Variants in VIPR2 observed in about 807,000 individuals in gnomAD.
VIPR2 encodes vasoactive intestinal polypeptide receptor 2.
VIPR2 carries 48 observed loss-of-function variants against 58.0 expected under a neutral mutation model. The observed-to-expected ratio is 0.83, with a 90% CI of 0.66 to 1.05. VIPR2 has a LOEUF of 1.05. Ranked by LOEUF, VIPR2 falls within the 50% of genes least tolerant of loss-of-function variation. VIPR2 has a pLI of 0.00. For synonymous variants in VIPR2, 243 were observed against 235.2 expected (o/e 1.03, Z -0.30); for missense variants, 534 against 558.0 (o/e 0.96, Z 0.43).
chr7:159,034,127 CT>C (rs1440558489), intron 10 of VIPR2, 85 bp downstream of exon 10: 1 of 1,413,792 alleles, frequency 7.1e-7, no homozygotes, highest in Non-Finnish European at 9.9e-7. Context: ...GTCGCCGCAC[CT>C]CCAGGGCCTT....
rs185492813 is a variant in VIPR2, at chr7:159,054,538, A to C, written c.455+3943T>G. Among the ~76,000 whole-genome samples, 5 of 152,370 alleles carry C rather than the reference A, an allele frequency of 3.3e-5. No homozygotes were observed. The East Asian group carries it at 9.6e-4, about 29-fold the overall frequency. ...TCATTTTGAAATGGCACTTCAAAAA[A>C]AGCAAGATTTTAAAATGTATGAACT... On this transcript the variant is annotated intron_variant, in intron 5 of 12. Transcript: ENST00000262178.
At chr7:159,085,206 C>G (rs964523865) in intron 4 of VIPR2, among the ~76,000 whole-genome samples, 1 of 152,206 alleles carries the variant, frequency 6.6e-6, no homozygotes, top group Non-Finnish European at 1.5e-5. Context: ...ATTTACAAAA[C>G]GAATTCATGC....
intron 2 of VIPR2, among the ~76,000 whole-genome samples, chr7:159,110,151 T>C (rs1207428519): frequency 6.6e-6 from 1 of 152,238 alleles, no homozygotes; most frequent in East Asian, 1.9e-4. Flanking sequence ...ATGTACCTTC[T>C]GAATTTTAAG....
rs7792767 is a variant in VIPR2, at chr7:159,043,089, G to A, written c.543C>T (p.Asp181=). 12,179 of 1,614,072 alleles carry A rather than the reference G, an allele frequency of 7.5e-3. 789 individuals carry two copies. In the African/African-American group the frequency reaches 0.14, roughly 19 times the overall value. Residue 181 remains aspartate (D), a synonymous_variant, in exon 6 of 13, where the codon GAC becomes GAT. Transcript: ENST00000262178. ...LRAISVLVKD[D]VLYSSSGTLH... Reference sequence around the variant, plus strand: ...ACGTGCCAGAGCTGGAGTAGAGAACGTCGTCCTTGACCAGCACTGAGATGG... The same window carrying A: ...ACGTGCCAGAGCTGGAGTAGAGAACATCGTCCTTGACCAGCACTGAGATGG...
At chr7:159,134,797 A>C (rs1392907908) in intron 2 of VIPR2, among the ~76,000 whole-genome samples, 1 of 151,716 alleles carries the variant, frequency 6.6e-6, no homozygotes, top group Non-Finnish European at 1.5e-5. Context: ...AGCTGGGACT[A>C]GAGGCGCCCG....
chr7:159,070,749 T>G (rs745825758), intron 4 of VIPR2, among the ~76,000 whole-genome samples: 1 of 152,254 alleles, frequency 6.6e-6, no homozygotes, highest in Admixed American at 6.5e-5. Context: ...AAGGGCTACA[T>G]TGCAAATTAT....
intron 2 of VIPR2, among the ~76,000 whole-genome samples, chr7:159,118,462 ACAGCGTGCTCAGCATCC>A (rs1392870993): frequency 6.6e-6 from 1 of 152,204 alleles, no homozygotes; most frequent in African/African-American, 2.4e-5. Context: ...AGGCGGGAGA[ACAGCGTGCTCAGCATCC>A]CACCTCCCCT....
chr7:159,050,356 AAAAAAAAAAC>A (rs1854919344), intron 5 of VIPR2, among the ~76,000 whole-genome samples: 2 of 10,280 alleles, frequency 1.9e-4, no homozygotes, highest in Non-Finnish European at 6.7e-4. Flanking sequence ...CAAAAAAACA[AAAAAAAAAAC>A]AAAAAAAAAC....
intron 4 of VIPR2, among the ~76,000 whole-genome samples, chr7:159,088,276 C>T (rs563077637): frequency 3.9e-4 from 60 of 152,324 alleles, no homozygotes; most frequent in African/African-American, 1.3e-3. Context: ...CACGCACCTG[C>T]GACAGTACAC....
intron 4 of VIPR2, among the ~76,000 whole-genome samples, chr7:159,086,968 A>G (rs1404665114): frequency 6.6e-6 from 1 of 152,236 alleles, no homozygotes; most frequent in Non-Finnish European, 1.5e-5. Flanking sequence ...ACATGTCCTC[A>G]CGTGAAGAAA....
At chr7:159,057,863 G>A (rs1855412805) in intron 5 of VIPR2, among the ~76,000 whole-genome samples, 1 of 152,202 alleles carries the variant, frequency 6.6e-6, no homozygotes, top group Non-Finnish European at 1.5e-5. Flanking sequence ...CAGGTGTGCA[G>A]GGGCCATCTC....
rs1196823052 is a variant in VIPR2, at chr7:159,128,431, G to T, written c.151+14015C>A. ...AGATGACTGAGGTCCTAACAACTGT[G>T]TGTAAAAACCTCTGGGCCCCCCTGG... On this transcript the variant is annotated intron_variant, in intron 2 of 12. Transcript: ENST00000262178. The surrounding 1 kb of genome is among the most constrained non-coding windows in gnomAD (Gnocchi z 4.1). Among the ~76,000 whole-genome samples, 1 of 152,128 alleles carries T rather than the reference G, an allele frequency of 6.6e-6. No individual in the cohort carries two copies. Among genetic ancestry groups the T allele is most frequent in the Non-Finnish European group, 1.5e-5 (1 of 68,018 alleles).
At chr7:159,045,636 T>C (rs1347759926) in intron 5 of VIPR2, among the ~76,000 whole-genome samples, 3 of 152,084 alleles carry the variant, frequency 2.0e-5, no homozygotes, top group Non-Finnish European at 2.9e-5. Flanking sequence ...TGAAAAAACA[T>C]AGGAGCAAAT....
chr7:159,096,612 C>T lies in VIPR2; in HGVS notation c.357+7145G>A, dbSNP rs142694032. ...CCTTCTTAACCTCCTTCCCTGGTCC[C>T]GTATCTCCTTTGGCCCTGAAAAGAC... On this transcript the variant is annotated intron_variant, in intron 4 of 12. Coordinates refer to ENST00000262178, the MANE Select transcript of VIPR2 (RefSeq NM_003382.5). The surrounding 1 kb of genome is among the most constrained non-coding windows in gnomAD (Gnocchi z 5.5). Among the ~76,000 whole-genome samples the T allele has an allele frequency of 1.7e-4, 26 of 152,320 alleles. No individual in the cohort carries two copies. The highest frequency in any genetic ancestry group is 3.4e-3 in the Middle Eastern group (1 of 294).
At chr7:159,117,011 C>T (rs920767856) in intron 2 of VIPR2, 1 of 338,720 alleles carries the variant, frequency 3.0e-6, no homozygotes, top group African/African-American at 2.1e-5. Context: ...TTACGACATG[C>T]TCCCCCTTAT....
chr7:159,121,803 G>A (rs1192618263), intron 2 of VIPR2, among the ~76,000 whole-genome samples: 1 of 152,182 alleles, frequency 6.6e-6, no homozygotes, highest in Non-Finnish European at 1.5e-5. Flanking sequence ...AATAGAGGCC[G>A]AAAATGCTTG....
intron 2 of VIPR2, among the ~76,000 whole-genome samples, chr7:159,112,530 T>G (rs1469113446): frequency 6.6e-6 from 1 of 152,146 alleles, no homozygotes; most frequent in Non-Finnish European, 1.5e-5. Flanking sequence ...ACTACAGCCT[T>G]GCAGACAGAA....
intron 4 of VIPR2, among the ~76,000 whole-genome samples, chr7:159,062,848 T>G (rs1171130716): frequency 9.0e-6 from 1 of 110,832 alleles, no homozygotes; most frequent in Non-Finnish European, 2.1e-5. Flanking sequence ...TGGTCTGTTT[T>G]ACTGAGAGCT....
intron 6 of VIPR2, among the ~76,000 whole-genome samples, chr7:159,039,282 A>T (rs984609082): frequency 2.0e-4 from 31 of 152,000 alleles, no homozygotes; most frequent in African/African-American, 7.0e-4. Context: ...AACATAGTGA[A>T]ACCCCATCTC....
Sources: gnomAD v4.1 joint callset for allele counts (sites outside exome capture counted in the v4.1 genomes callset) on GRCh38, gnomAD v4.1.1 for gene constraint, Gnocchi (gnomAD v3.1) non-coding constraint, MANE v1.5 for transcripts, NCBI Gene and HGNC (gene_info 2026-07-23, HGNC 2026-07-21) for gene names.